Variants in SEC61A1 observed in about 807,000 individuals in gnomAD.
SEC61A1 encodes the protein SEC61 translocon subunit alpha 1, also known as protein transport protein Sec61 subunit alpha isoform 1.
Under a neutral mutation model 55.2 loss-of-function variants are expected in SEC61A1, and 15 were observed. The observed-to-expected ratio is 0.27, with a 90% CI of 0.18 to 0.42. The LOEUF is 0.42. Among genes scored for constraint, SEC61A1 ranks in the 10% least tolerant of loss-of-function variants. The pLI is 1.00. For missense variants in SEC61A1, 284 were observed against 602.6 expected, an observed-to-expected ratio of 0.47 and a Z score of 5.53; for synonymous variants, 247 against 234.0, an observed-to-expected ratio of 1.06 and a Z score of -0.51.
At chr3:128,057,547 G>A (rs1437452794) in intron 5 of SEC61A1, among the ~76,000 whole-genome samples, 1 of 151,472 alleles carries the variant, frequency 6.6e-6, no homozygotes, top group Non-Finnish European at 1.5e-5. Context: ...TAGTTATTTG[G>A]CAAGTGTTTT....
rs759999490 is a variant in SEC61A1 at position 128,064,866 on chromosome 3, T to C, written c.617-11T>C. On this transcript the variant is annotated splice_polypyrimidine_tract_variant and intron_variant, in intron 7 of 11. Transcript: ENST00000243253. ...TCGTTCCTTCATATATGTCTCCTCC[T>C]CTGCCAACAGGAATGGAATTTGAAG... The C allele has an allele frequency of 1.5e-5, 24 of 1,585,818 alleles. No individual in the cohort carries two copies. In the African/African-American group the frequency reaches 2.8e-4, roughly 19 times the overall value.
At position 128,067,873 on chromosome 3, in the gene SEC61A1, G is replaced by A. The variant is rs576557298; in HGVS notation, c.1168-110G>A. ...GCGGCAGTTTTAAAGTTCTCTGTAT[G>A]AATATTGTCAGTGCTCGAAGAGGCG... is the stretch of plus-strand genomic sequence containing the variant. On this transcript the variant is annotated intron_variant, in intron 10 of 11. Coordinates refer to ENST00000243253, the MANE Select transcript of SEC61A1 (RefSeq NM_013336.4). The surrounding 1 kb of genome is among the most constrained non-coding windows in gnomAD (Gnocchi z 4.1). The A allele has an allele frequency of 2.6e-5, 23 of 871,146 alleles. 2 individuals are homozygous for A. The South Asian group carries it at 3.2e-4, about 12-fold the overall frequency. 54.0% of individuals were successfully genotyped at this position (871,146 alleles called of 1,614,324 possible).
At chr3:128,051,686 C>G, upstream of SEC61A1, 3 of 1,441,768 alleles carry the variant, frequency 2.1e-6, no homozygotes, top group Non-Finnish European at 2.7e-6. Context: ...TCAACCTGTT[C>G]CCTCATTCCT....
At chr3:128,065,224 C>A in intron 8 of SEC61A1, 187 bp downstream of exon 8, 1 of 703,470 alleles carries the variant, frequency 1.4e-6, no homozygotes, top group Non-Finnish European at 2.5e-6. Context: ...ATGGGACCTG[C>A]CATTAACGAA....
intron 4 of SEC61A1, among the ~76,000 whole-genome samples, chr3:128,056,335 G>A (rs1346515697): frequency 6.6e-6 from 1 of 152,134 alleles, no homozygotes; most frequent in East Asian, 1.9e-4. Flanking sequence ...AGATACAATT[G>A]TACAGGCTCC....
chr3:128,068,040 A>C lies in SEC61A1; in HGVS notation c.1225A>C (p.Met409Leu), dbSNP rs758210492. The C allele has an allele frequency of 6.2e-7, 1 of 1,613,846 alleles. No homozygotes were observed. Among genetic ancestry groups the C allele is most frequent in the African/African-American group, 1.3e-5 (1 of 74,902 alleles). ...GATGAGAGGCCACCGAGAGACCTCC[A>C]TGGTCCATGAACTCAACCGGTGAGT... ...MVMRGHRETS[M>L]VHELNRYIPT... The change falls in exon 11 of 12, where the codon ATG becomes CTG. Residue 409 changes from methionine (M) to leucine (L), a missense_variant. Coordinates refer to ENST00000243253, the MANE Select transcript of SEC61A1 (RefSeq NM_013336.4).
intron 5 of SEC61A1, among the ~76,000 whole-genome samples, chr3:128,059,250 G>A (rs1472084955): frequency 1.3e-5 from 2 of 152,150 alleles, no homozygotes; most frequent in Non-Finnish European, 2.9e-5. Flanking sequence ...GAGGTGGGTG[G>A]ATCACGAGGT....
chr3:128,067,404 G>C lies in SEC61A1; in HGVS notation c.976-17G>C. 6.2e-7 allele frequency: 1 copy of C among 1,603,386 alleles called. No homozygotes were observed. Among genetic ancestry groups the C allele is most frequent in the Non-Finnish European group, 8.5e-7 (1 of 1,175,824 alleles). ...AATGAAGGAGCACTCACATGCGTTT[G>C]GTTTCTTCTTCCCCAGGACACGTCT... On this transcript the variant is annotated splice_polypyrimidine_tract_variant and intron_variant, in intron 9 of 11. Coordinates refer to ENST00000243253, the MANE Select transcript of SEC61A1 (RefSeq NM_013336.4). This position sits in a 1 kb window ranked among gnomAD's most constrained non-coding sequence, Gnocchi z 4.1.
At chr3:128,064,259 T>G (rs1261190320) in intron 7 of SEC61A1, among the ~76,000 whole-genome samples, 1 of 152,188 alleles carries the variant, frequency 6.6e-6, no homozygotes, top group Admixed American at 6.5e-5. Flanking sequence ...CAGCAGAGTC[T>G]GCTTTTATTT....
At chr3:128,062,319 G>A (rs1413827242) in intron 7 of SEC61A1, among the ~76,000 whole-genome samples, 1 of 152,214 alleles carries the variant, frequency 6.6e-6, no homozygotes, top group African/African-American at 2.4e-5. Flanking sequence ...CAGCTGGGAC[G>A]GCAGCTTTGC....
chr3:128,052,424 C>T (rs1199760123), upstream of SEC61A1: 26 of 1,253,488 alleles, frequency 2.1e-5, no homozygotes, highest in African/African-American at 3.0e-4. Context: ...CCGCTTGCCG[C>T]CGGGCTAGCA....
At chr3:128,066,368 C>G (rs1302665952) in intron 8 of SEC61A1, among the ~76,000 whole-genome samples, 4 of 151,518 alleles carry the variant, frequency 2.6e-5, no homozygotes, top group African/African-American at 7.3e-5. Context: ...GTGATAGGCT[C>G]TGTCTTTTGG....
rs1274515468 is a variant in SEC61A1, at chr3:128,067,376, TAAA to T, written c.976-43_976-41del. On this transcript the variant is annotated intron_variant, in intron 9 of 11. Transcript: ENST00000243253. The surrounding 1 kb of genome is among the most constrained non-coding windows in gnomAD (Gnocchi z 4.1). Reference sequence around the variant, plus strand: ...AACTATTTTTGCCTTGATGCTAAAGTAAAATGAAGGAGCACTCACATGCGTTTG... The same window carrying T: ...AACTATTTTTGCCTTGATGCTAAAGTATGAAGGAGCACTCACATGCGTTTG... 1 of 1,572,266 alleles carries T rather than the reference TAAA, an allele frequency of 6.4e-7. No homozygotes were observed. The highest frequency in any genetic ancestry group is 8.6e-7 in the Non-Finnish European group (1 of 1,158,516).
rs562589014 is a variant in SEC61A1 at position 128,069,743 on chromosome 3, G to C, written c.*81G>C. 1 of 1,144,940 alleles carries C rather than the reference G, an allele frequency of 8.7e-7. No individual in the cohort carries two copies. Among genetic ancestry groups the C allele is most frequent in the East Asian group, 2.4e-5 (1 of 42,008 alleles). The allele number at this position is 1,144,940 out of a possible 1,614,324, so 70.9% of individuals were successfully genotyped here. A position where few individuals can be genotyped will look rare whatever the true frequency, so the allele number is the denominator to read the frequency against. Reference sequence around the variant, plus strand: ...CTCTCATCATGGCGCGTGCTGCTGCGGCATATGGACTTTTAATAATGTTTT... The same window carrying C: ...CTCTCATCATGGCGCGTGCTGCTGCCGCATATGGACTTTTAATAATGTTTT... On this transcript the variant is annotated 3_prime_UTR_variant, in exon 12 of 12. Transcript: ENST00000243253.
chr3:128,059,072 G>C (rs1941817293), intron 5 of SEC61A1, among the ~76,000 whole-genome samples: 1 of 152,156 alleles, frequency 6.6e-6, no homozygotes, highest in South Asian at 2.1e-4. Context: ...CTGAAGGTCA[G>C]ACTGTACTTA....
At chr3:128,052,988 G>A in intron 2 of SEC61A1, 86 bp downstream of exon 2, 2 of 985,632 alleles carry the variant, frequency 2.0e-6, no homozygotes, top group South Asian at 1.4e-5. Flanking sequence ...AATGGCTTCA[G>A]CACGGCAATG....
chr3:128,069,829 T>C lies in SEC61A1; in HGVS notation c.*167T>C. 3 of 686,636 alleles carry C rather than the reference T, an allele frequency of 4.4e-6. No homozygotes were observed. Among genetic ancestry groups the C allele is most frequent in the Non-Finnish European group, 7.1e-6 (3 of 423,118 alleles). The allele number at this position is 686,636 out of a possible 1,614,324, so 42.5% of individuals were successfully genotyped here. ...GCTAGACATTTTCCAATTTAAAATT[T>C]TGCTTTTTATCCTGGCACTGGCAAA... On this transcript the variant is annotated 3_prime_UTR_variant, in exon 12 of 12. Transcript: ENST00000243253.
chr3:128,055,319 T>C (rs1194363688), intron 2 of SEC61A1, among the ~76,000 whole-genome samples, 197 bp from the exon 3 acceptor site: 5 of 152,216 alleles, frequency 3.3e-5, no homozygotes, highest in South Asian at 2.1e-4. Context: ...CTGTAGGTCC[T>C]TGCATTGTGC....
In SEC61A1 at chr3:128,059,701, G is replaced by C. The variant is rs575241735; in HGVS notation, c.353-401G>C. ...TCTGTAGTTCAGCTCTTGAGCCATC[G>C]AGACCCCAAGTGCCTGACATTGAGT... On this transcript the variant is annotated intron_variant, in intron 5 of 11. Coordinates refer to ENST00000243253, the MANE Select transcript of SEC61A1 (RefSeq NM_013336.4). Among the ~76,000 whole-genome samples the C allele has an allele frequency of 4.6e-5, 7 of 152,160 alleles. No homozygotes were observed. In the East Asian group the frequency reaches 7.7e-4, roughly 17 times the overall value.
Sources: allele counts gnomAD v4.1 joint callset (sites outside exome capture counted in the v4.1 genomes callset), GRCh38; gene constraint gnomAD v4.1.1; non-coding constraint Gnocchi (gnomAD v3.1); transcripts MANE v1.5; gene names NCBI Gene and HGNC (gene_info 2026-07-23, HGNC 2026-07-21).